Variants in DLGAP2 observed in about 807,000 individuals in gnomAD.
DLGAP2 encodes the protein DLG associated protein 2, also known as disks large-associated protein 2.
In DLGAP2, 26 loss-of-function variants were observed where a neutral mutation model predicts 100.3. The observed-to-expected ratio is 0.26, with a 90% CI of 0.19 to 0.36. The LOEUF is 0.36. Among genes scored for constraint, DLGAP2 ranks in the 10% least tolerant of loss-of-function variants. The pLI, the probability that DLGAP2 is intolerant of heterozygous loss-of-function variation, is 1.00. For missense variants in DLGAP2, 1,858 were observed against 1,453.2 expected (o/e 1.28, Z -4.53); for synonymous variants, 886 against 630.1 (o/e 1.41, Z -6.08).
intron 3 of DLGAP2, among the ~76,000 whole-genome samples, chr8:1,288,740 CGTGGTTGTT>C (rs1799994387): frequency 1.0e-5 from 1 of 99,898 alleles, no homozygotes; most frequent in Non-Finnish European, 2.0e-5. Flanking sequence ...TGTGTGTGTG[CGTGGTTGTT>C]AGGAGGGGAA....
At chr8:1,538,334 C>T (rs1027228345) in intron 4 of DLGAP2, among the ~76,000 whole-genome samples, 10 of 152,162 alleles carry the variant, frequency 6.6e-5, no homozygotes, top group South Asian at 2.1e-4. Flanking sequence ...GCTGTCCGTT[C>T]CCCCAATTTC....
intron 6 of DLGAP2, among the ~76,000 whole-genome samples, chr8:1,572,034 AG>A (rs1802727392): frequency 8.3e-6 from 1 of 120,894 alleles, no homozygotes; most frequent in African/African-American, 3.3e-5. Flanking sequence ...GAGAGGAGAG[AG>A]GGTGAACTGT....
At chr8:880,800 C>T (rs1797774490) in intron 1 of DLGAP2, among the ~76,000 whole-genome samples, 1 of 152,266 alleles carries the variant, frequency 6.6e-6, no homozygotes, top group African/African-American at 2.4e-5. Flanking sequence ...GCCACTGTAA[C>T]TCCTGCTCGT....
At chr8:805,657 G>C (rs13256633) in intron 1 of DLGAP2, among the ~76,000 whole-genome samples, 1 of 151,996 alleles carries the variant, frequency 6.6e-6, no homozygotes, top group African/African-American at 2.4e-5. Flanking sequence ...ACCCAGGCTG[G>C]AGGGCAGTGG....
intron 6 of DLGAP2, among the ~76,000 whole-genome samples, chr8:1,600,778 C>CT (rs1796600397): frequency 6.6e-6 from 1 of 152,102 alleles, no homozygotes; most frequent in African/African-American, 2.4e-5. Context: ...TTCCTGTAAC[C>CT]TTTTTTCAAG....
chr8:1,455,586 C>T (rs115435500), intron 3 of DLGAP2, among the ~76,000 whole-genome samples: 1,914 of 152,336 alleles, frequency 0.013, 44 homozygotes, highest in African/African-American at 0.044. Flanking sequence ...CTTGCAGCCT[C>T]GGTGGAGGCG....
chr8:785,226 A>T (rs1285854601), intron 1 of DLGAP2, among the ~76,000 whole-genome samples: 6 of 86,438 alleles, frequency 6.9e-5, no homozygotes, highest in African/African-American at 1.9e-4. Flanking sequence ...CGCCTCAAAA[A>T]AAAAAAAAAA....
chr8:1,680,945 G>C (rs1057406406), intron 12 of DLGAP2: 1 of 152,224 alleles, frequency 6.6e-6, no homozygotes, highest in Non-Finnish European at 1.5e-5. Flanking sequence ...TTCCTTCCAG[G>C]ATGAGAGCAG....
At chr8:1,062,100 G>A (rs1803102016) in intron 2 of DLGAP2, among the ~76,000 whole-genome samples, 1 of 151,776 alleles carries the variant, frequency 6.6e-6, no homozygotes, top group South Asian at 2.1e-4. Flanking sequence ...TATCCTGGAG[G>A]AGAGCCGTGC....
chr8:812,841 A>G (rs1197452903), intron 1 of DLGAP2, among the ~76,000 whole-genome samples: 2 of 152,244 alleles, frequency 1.3e-5, no homozygotes, highest in East Asian at 3.8e-4. Flanking sequence ...AATTCCAGGC[A>G]CAATAGTGGT....
intron 2 of DLGAP2, chr8:1,137,332 G>C (rs1028391941): frequency 6.6e-6 from 1 of 152,638 alleles, no homozygotes. Flanking sequence ...TTGGACTGGT[G>C]CACCAAATAT....
chr8:1,360,725 T>A (rs1323787741), intron 3 of DLGAP2, among the ~76,000 whole-genome samples: 1 of 152,106 alleles, frequency 6.6e-6, no homozygotes, highest in African/African-American at 2.4e-5. Context: ...GTGGCCTCGT[T>A]CTTCCGGTAG....
At chr8:900,351 C>A (rs1159091351) in intron 1 of DLGAP2, among the ~76,000 whole-genome samples, 2 of 150,912 alleles carry the variant, frequency 1.3e-5, no homozygotes, top group African/African-American at 4.9e-5. Context: ...ACGGTGGGCG[C>A]CCTCCTCTTC....
At chr8:846,689 A>G (rs1333238658) in intron 1 of DLGAP2, among the ~76,000 whole-genome samples, 1 of 152,126 alleles carries the variant, frequency 6.6e-6, no homozygotes, top group Non-Finnish European at 1.5e-5. Flanking sequence ...TTGTATTTTT[A>G]ATTTTTTTTA....
At chr8:1,408,852 G>T (rs74578714) in intron 3 of DLGAP2, among the ~76,000 whole-genome samples, 1 of 152,058 alleles carries the variant, frequency 6.6e-6, no homozygotes, top group East Asian at 1.9e-4. Context: ...ATTAAGGTGC[G>T]CAGGGCACAG....
intron 3 of DLGAP2, among the ~76,000 whole-genome samples, chr8:1,372,965 T>C (rs1160832350): frequency 6.6e-6 from 1 of 152,158 alleles, no homozygotes; most frequent in African/African-American, 2.4e-5. Context: ...GATGTGGGGT[T>C]ATGGCCACCT....
intron 2 of DLGAP2, among the ~76,000 whole-genome samples, chr8:1,144,022 G>T (rs532507290): frequency 5.6e-4 from 86 of 152,306 alleles, no homozygotes; most frequent in African/African-American, 1.9e-3. Flanking sequence ...CCCACAAAGC[G>T]CATCTTAGTC....
chr8:1,333,354 A>T (rs2117063912), intron 3 of DLGAP2, among the ~76,000 whole-genome samples: 1 of 152,152 alleles, frequency 6.6e-6, no homozygotes, highest in African/African-American at 2.4e-5. Flanking sequence ...TTCCCTGGGG[A>T]GGAGGAAGCA....
At chr8:827,116 A>G (rs929212560) in intron 1 of DLGAP2, among the ~76,000 whole-genome samples, 10 of 152,112 alleles carry the variant, frequency 6.6e-5, no homozygotes. Context: ...CCAGCATCTG[A>G]TGGGTCATGG....
Sources: allele counts gnomAD v4.1 joint callset (sites outside exome capture counted in the v4.1 genomes callset), GRCh38; gene constraint gnomAD v4.1.1; transcripts MANE v1.5; gene names NCBI Gene and HGNC (gene_info 2026-07-23, HGNC 2026-07-21).